Variants in FAM78A observed in about 807,000 individuals in gnomAD.
FAM78A encodes family with sequence similarity 78 member A.
Under a neutral mutation model 22.6 loss-of-function variants are expected in FAM78A, and 12 were observed. That is an observed-to-expected ratio of 0.53 (90% CI 0.34 to 0.86). FAM78A has a LOEUF of 0.86. Among genes scored for constraint, FAM78A ranks in the 40% least tolerant of loss-of-function variants. The pLI is 0.02. For synonymous variants in FAM78A, 151 were observed against 155.8 expected, an observed-to-expected ratio of 0.97 and a Z score of 0.23; for missense variants, 322 against 396.1, an observed-to-expected ratio of 0.81 and a Z score of 1.59.
At chr9:131,277,084 C>A (rs1588201920), upstream of FAM78A, among the ~76,000 whole-genome samples, 2 of 151,230 alleles carry the variant, frequency 1.3e-5, no homozygotes, top group East Asian at 3.9e-4. The surrounding 1 kb of genome is among the most constrained non-coding windows in gnomAD (Gnocchi z 8.4). Flanking sequence ...TGGGCGGTCT[C>A]CCCGGAGGCG....
chr9:131,260,701 G>T lies in FAM78A; in HGVS notation c.*121C>A. On this transcript the variant is annotated 3_prime_UTR_variant, in exon 2 of 2. Transcript: ENST00000372271. This position sits in a 1 kb window ranked among gnomAD's most constrained non-coding sequence, Gnocchi z 5.4. Reference sequence around the variant, plus strand: ...CTTCCCGGGGGCATCAGCACAGTGAGATCCGCCCGCTGGAGAGGGTAGAAT... The same window carrying T: ...CTTCCCGGGGGCATCAGCACAGTGATATCCGCCCGCTGGAGAGGGTAGAAT... The T allele has an allele frequency of 7.7e-7, 1 of 1,301,498 alleles. No individual in the cohort carries two copies. The highest frequency in any genetic ancestry group is 1.6e-5 in the South Asian group (1 of 64,336). 80.6% of individuals were successfully genotyped at this position (1,301,498 alleles called of 1,614,324 possible).
At chr9:131,264,637 T>C (rs1354669612) in intron 1 of FAM78A, 1 of 717,002 alleles carries the variant, frequency 1.4e-6, no homozygotes, top group South Asian at 1.5e-5. Flanking sequence ...CCTTTGAGGG[T>C]GGCATCAGCA....
upstream of FAM78A, among the ~76,000 whole-genome samples, chr9:131,278,035 G>A (rs1835506964): frequency 6.8e-6 from 1 of 146,734 alleles, no homozygotes; most frequent in Admixed American, 6.7e-5. Context: ...CGGGGATGCA[G>A]GTCCGCAGGC....
chr9:131,275,285 G>A lies in FAM78A; in HGVS notation c.323+572C>T, dbSNP rs1244412467. 6.6e-6 allele frequency among the ~76,000 whole-genome samples: 1 copy of A among 152,148 alleles called. No homozygotes were observed. The highest frequency in any genetic ancestry group is 2.4e-5 in the African/African-American group (1 of 41,438). On this transcript the variant is annotated intron_variant, in intron 1 of 1. Coordinates refer to ENST00000372271, the MANE Select transcript of FAM78A (RefSeq NM_033387.4). The surrounding 1 kb of genome is among the most constrained non-coding windows in gnomAD (Gnocchi z 4.6). ...GAAAGCGATACACTGTGAAGAAATC[G>A]GGCTTCTAAAACTAACTGTGCTCTC...
In FAM78A at chr9:131,275,069, G is replaced by A. The variant is rs1431044230; in HGVS notation, c.323+788C>T. Among the ~76,000 whole-genome samples the A allele has an allele frequency of 2.0e-5, 3 of 152,210 alleles. No individual in the cohort carries two copies. Among genetic ancestry groups the A allele is most frequent in the Non-Finnish European group, 4.4e-5 (3 of 68,038 alleles). Reference sequence around the variant, plus strand: ...CACCCTGGGGACGGCCTTCTCTGGGGTCAGGAAGCAGGCCAGGAAAGGAGC... The same window carrying A: ...CACCCTGGGGACGGCCTTCTCTGGGATCAGGAAGCAGGCCAGGAAAGGAGC... On this transcript the variant is annotated intron_variant, in intron 1 of 1. Transcript: ENST00000372271. The surrounding 1 kb of genome is among the most constrained non-coding windows in gnomAD (Gnocchi z 4.6).
chr9:131,280,626 T>C (rs1455235751), upstream of FAM78A, among the ~76,000 whole-genome samples: 1 of 151,978 alleles, frequency 6.6e-6, no homozygotes, highest in Non-Finnish European at 1.5e-5. Flanking sequence ...GCTCAAAGTG[T>C]TGTCAGTGGG....
chr9:131,258,702 T>G lies in FAM78A; in HGVS notation c.*2120A>C, dbSNP rs188391330. 5 of 152,228 alleles carry G rather than the reference T, an allele frequency of 3.3e-5. No individual in the cohort carries two copies. The highest frequency in any genetic ancestry group is 1.2e-4 in the African/African-American group (5 of 41,448). 9.4% of individuals were successfully genotyped at this position (152,228 alleles called of 1,614,324 possible). ...TCCCTGCTTTAGTGCAACAAAGACC[T>G]GAGTGGAGAAGTCTCCAGTGAATGA... On this transcript the variant is annotated 3_prime_UTR_variant, in exon 2 of 2. Coordinates refer to ENST00000372271, the MANE Select transcript of FAM78A (RefSeq NM_033387.4).
chr9:131,264,549 C>T (rs1451878968), intron 1 of FAM78A: 5 of 714,748 alleles, frequency 7.0e-6, no homozygotes, highest in Non-Finnish European at 1.3e-5. Flanking sequence ...TCTGCCTGCC[C>T]GGTTTTTGTG....
In FAM78A at chr9:131,261,463, A is replaced by G; in HGVS notation, c.324-113T>C. On this transcript the variant is annotated intron_variant, in intron 1 of 1. Coordinates refer to ENST00000372271, the MANE Select transcript of FAM78A (RefSeq NM_033387.4). The surrounding 1 kb of genome is among the most constrained non-coding windows in gnomAD (Gnocchi z 7.1). ...CCTGAGGATGGAACGGACCCAGCAG[A>G]CCACCCGGTCCCCTTTGACGTTCTG... The G allele has an allele frequency of 9.9e-7, 1 of 1,012,636 alleles. No individual in the cohort carries two copies. Among genetic ancestry groups the G allele is most frequent in the South Asian group, 1.8e-5 (1 of 56,800 alleles). The allele number at this position is 1,012,636 out of a possible 1,614,324, so 62.7% of individuals were successfully genotyped here. A position where few individuals can be genotyped will look rare whatever the true frequency, so the allele number is the denominator to read the frequency against.
chr9:131,261,176 G>C lies in FAM78A; in HGVS notation c.498C>G (p.Val166=). The C allele has an allele frequency of 6.2e-7, 1 of 1,614,150 alleles. No homozygotes were observed. Among genetic ancestry groups the C allele is most frequent in the Non-Finnish European group, 8.5e-7 (1 of 1,180,018 alleles). ...ISMNDNFYPS[V]TWAVPVSESN... ...TCTCGCTGACGGGCACGGCCCATGT[G>C]ACGCTGGGGTAAAAGTTGTCATTCA... The change falls in exon 2 of 2, where the codon GTC becomes GTG. Residue 166 remains valine, a synonymous_variant. Transcript: ENST00000372271. This position sits in a 1 kb window ranked among gnomAD's most constrained non-coding sequence, Gnocchi z 7.1.
At chr9:131,278,202 A>T (rs561357370), upstream of FAM78A, among the ~76,000 whole-genome samples, 324 of 151,770 alleles carry the variant, frequency 2.1e-3, 3 homozygotes, top group African/African-American at 7.4e-3. Flanking sequence ...CCTCTCCTTG[A>T]ACAAACGACA....
In FAM78A at chr9:131,260,852, C is replaced by T. The variant is rs776961516; in HGVS notation, c.822G>A (p.Pro274=). The T allele has an allele frequency of 1.2e-5, 18 of 1,524,886 alleles. No individual in the cohort carries two copies. The highest frequency in any genetic ancestry group is 1.4e-5 in the Non-Finnish European group (16 of 1,135,890). The allele number at this position is 1,524,886 out of a possible 1,614,324, so 94.5% of individuals were successfully genotyped here. Residue 274 remains proline, a synonymous_variant, in exon 2 of 2, where the codon CCG becomes CCA. Coordinates refer to ENST00000372271, the MANE Select transcript of FAM78A (RefSeq NM_033387.4). This position sits in a 1 kb window ranked among gnomAD's most constrained non-coding sequence, Gnocchi z 5.4. The stretch of plus-strand genomic sequence containing the variant: ...GGTGCTTGGGCGGGATCACCACCAG[C>T]GGCTGCCCGTACTTGGGCCGCCACA... The part of the protein sequence containing the change: ...VLMWRPKYGQ[P]LVVIPPKHR
At chr9:131,270,854 A>G (rs571912845) in intron 1 of FAM78A, among the ~76,000 whole-genome samples, 1 of 152,270 alleles carries the variant, frequency 6.6e-6, no homozygotes, top group Admixed American at 6.5e-5. Context: ...ACCACATCAT[A>G]AAATGAGGCC....
chr9:131,279,127 T>G (rs973417985), upstream of FAM78A, among the ~76,000 whole-genome samples: 1 of 152,246 alleles, frequency 6.6e-6, no homozygotes, highest in African/African-American at 2.4e-5. Context: ...CCCTTTCCAG[T>G]TCAGCTAGTA....
intron 1 of FAM78A, chr9:131,270,561 AT>A: frequency 2.8e-6 from 2 of 713,488 alleles, no homozygotes; most frequent in Non-Finnish European, 2.6e-6. Context: ...AGGCTGGGTC[AT>A]CCCCCCTACT....
At position 131,276,288 on chromosome 9, in the gene FAM78A, C is replaced by T; in HGVS notation, c.-109G>A. 7.2e-6 allele frequency: 6 copies of T among 835,168 alleles called. No individual in the cohort carries two copies. Among genetic ancestry groups the T allele is most frequent in the Non-Finnish European group, 1.1e-5 (6 of 541,634 alleles). The allele number at this position is 835,168 out of a possible 1,614,324, so 51.7% of individuals were successfully genotyped here. ...AAACTCACTGAGTAGACTGGGGTTG[C>T]ATATATCACTACCGCGGCCTGTTTA... On this transcript the variant is annotated 5_prime_UTR_variant, in exon 1 of 2. It removes an upstream start codon present in the reference 5' UTR. Coordinates refer to ENST00000372271, the MANE Select transcript of FAM78A (RefSeq NM_033387.4). This position sits in a 1 kb window ranked among gnomAD's most constrained non-coding sequence, Gnocchi z 4.3.
At position 131,276,104 on chromosome 9, in the gene FAM78A, T is replaced by G; in HGVS notation, c.76A>C (p.Ser26Arg). The change falls in exon 1 of 2, where the codon AGC becomes CGC. Residue 26 changes from serine to arginine, a missense_variant. By Grantham distance (110) the Ser-to-Arg change is moderately radical. Coordinates refer to ENST00000372271, the MANE Select transcript of FAM78A (RefSeq NM_033387.4). This position sits in a 1 kb window ranked among gnomAD's most constrained non-coding sequence, Gnocchi z 4.3. ...ALLYAMGCIQSIGGKARVFRE... is the reference protein window; with the variant it reads ...ALLYAMGCIQRIGGKARVFRE... ...AAGACTCTGGCTTTGCCTCCGATGCTCTGAATACAGCCCATGGCATACAGG... is the reference window on the plus strand; with the variant it reads ...AAGACTCTGGCTTTGCCTCCGATGCGCTGAATACAGCCCATGGCATACAGG... The G allele has an allele frequency of 6.2e-7, 1 of 1,613,738 alleles. No individual in the cohort carries two copies. Among genetic ancestry groups the G allele is most frequent in the Non-Finnish European group, 8.5e-7 (1 of 1,180,018 alleles).
At position 131,260,641 on chromosome 9, in the gene FAM78A, C is replaced by T; in HGVS notation, c.*181G>A. ...CTGTCCTGCTTAGATCTCCCCTCTCCCTGAAAGGAAGCAGGTGCCGAGAGC... is the reference window on the plus strand; with the variant it reads ...CTGTCCTGCTTAGATCTCCCCTCTCTCTGAAAGGAAGCAGGTGCCGAGAGC... On this transcript the variant is annotated 3_prime_UTR_variant, in exon 2 of 2. Coordinates refer to ENST00000372271, the MANE Select transcript of FAM78A (RefSeq NM_033387.4). The surrounding 1 kb of genome is among the most constrained non-coding windows in gnomAD (Gnocchi z 5.4). The T allele has an allele frequency of 4.8e-6, 3 of 629,934 alleles. No homozygotes were observed. The highest frequency in any genetic ancestry group is 5.1e-6 in the Non-Finnish European group (2 of 392,986). 39.0% of individuals were successfully genotyped at this position (629,934 alleles called of 1,614,324 possible).
At chr9:131,269,928 C>T (rs1275113284) in intron 1 of FAM78A, among the ~76,000 whole-genome samples, 1 of 151,536 alleles carries the variant, frequency 6.6e-6, no homozygotes, top group Non-Finnish European at 1.5e-5. Context: ...GGCACAGTGG[C>T]TCACACCTGT....
Sources: gnomAD v4.1 joint callset for allele counts (sites outside exome capture counted in the v4.1 genomes callset) on GRCh38, gnomAD v4.1.1 for gene constraint, Gnocchi (gnomAD v3.1) non-coding constraint, MANE v1.5 for transcripts, NCBI Gene and HGNC (gene_info 2026-07-23, HGNC 2026-07-21) for gene names.